C17orf67: variants seen among roughly 807,000 people sequenced by gnomAD.
The protein encoded by C17orf67 is chromosome 17 open reading frame 67.
C17orf67 carries 12 observed loss-of-function variants against 11.2 expected under a neutral mutation model. That is an observed-to-expected ratio of 1.07 (90% CI 0.68 to 1.73). The LOEUF is 1.73. Among genes scored for constraint, C17orf67 ranks in the 40% most tolerant of loss-of-function variants. The pLI, the probability that C17orf67 is intolerant of heterozygous loss-of-function variation, is 0.00. For synonymous variants in C17orf67, 59 were observed against 46.9 expected, an observed-to-expected ratio of 1.26 and a Z score of -1.05; for missense variants, 115 against 113.5, an observed-to-expected ratio of 1.01 and a Z score of -0.06.
At chr17:56,829,799 C>T (rs1906142740) in intron 2 of C17orf67, among the ~76,000 whole-genome samples, 1 of 152,204 alleles carries the variant, frequency 6.6e-6, no homozygotes, top group Non-Finnish European at 1.5e-5. Flanking sequence ...ACTTTAGAGC[C>T]TCATCTTTTG....
In C17orf67 at chr17:56,797,739, G is replaced by A. The variant is rs1905239539; in HGVS notation, c.157-2559C>T. Reference sequence around the variant, plus strand: ...TTTTGTCTTTGCATCTCCTCTCTCAGTTGGCTCGTGCTCTGCCCTTTATCA... The same window carrying A: ...TTTTGTCTTTGCATCTCCTCTCTCAATTGGCTCGTGCTCTGCCCTTTATCA... On this transcript the variant is annotated intron_variant, in intron 6 of 7. Transcript: ENST00000397861. Among the ~76,000 whole-genome samples the A allele has an allele frequency of 2.6e-5, 4 of 152,226 alleles. No individual in the cohort carries two copies. In the South Asian group the frequency reaches 8.3e-4, roughly 32 times the overall value.
intron 6 of C17orf67, among the ~76,000 whole-genome samples, chr17:56,800,098 C>T (rs1186872684): frequency 7.4e-6 from 1 of 135,164 alleles, no homozygotes; most frequent in East Asian, 2.1e-4. Flanking sequence ...CGGAGTCTCG[C>T]TCTGTCGCCC....
At chr17:56,798,654 T>C (rs3966008) in intron 6 of C17orf67, among the ~76,000 whole-genome samples, 118,069 of 151,452 alleles carry the variant, frequency 0.78, 46,079 homozygotes, top group Middle Eastern at 0.85. Flanking sequence ...GTGGTGAAAC[T>C]CTGTCTCTAC....
intron 6 of C17orf67, among the ~76,000 whole-genome samples, chr17:56,798,644 G>A (rs924872769): frequency 6.8e-6 from 1 of 146,280 alleles, no homozygotes; most frequent in Admixed American, 7.1e-5. Context: ...CCTGGGCGAC[G>A]TGGTGAAACT....
chr17:56,811,443 C>G (rs1230504433), intron 6 of C17orf67, among the ~76,000 whole-genome samples: 1 of 152,152 alleles, frequency 6.6e-6, no homozygotes, highest in Non-Finnish European at 1.5e-5. Flanking sequence ...GGGAAGCCTT[C>G]CCAGCCTCCC....
At chr17:56,805,618 G>A (rs1905428116) in intron 6 of C17orf67, among the ~76,000 whole-genome samples, 1 of 152,134 alleles carries the variant, frequency 6.6e-6, no homozygotes, top group African/African-American at 2.4e-5. Context: ...ATTCAATAAT[G>A]TATACTAAAA....
chr17:56,829,855 T>C (rs1011789783), intron 2 of C17orf67, among the ~76,000 whole-genome samples: 1 of 152,256 alleles, frequency 6.6e-6, no homozygotes, highest in African/African-American at 2.4e-5. Context: ...GACAATGCTC[T>C]GTAAATATTA....
At chr17:56,825,970 T>TGTGTGCGCGC (rs1906020422) in intron 2 of C17orf67, among the ~76,000 whole-genome samples, 1 of 131,448 alleles carries the variant, frequency 7.6e-6, no homozygotes, top group African/African-American at 2.8e-5. Flanking sequence ...TGCACGCGTG[T>TGTGTGCGCGC]GTGTGACGGA....
At chr17:56,824,981 T>G (rs1905990695) in intron 3 of C17orf67, 100 bp downstream of exon 3, 1 of 152,198 alleles carries the variant, frequency 6.6e-6, no homozygotes, top group Non-Finnish European at 1.5e-5. Flanking sequence ...TAACCAGGTT[T>G]TTACTATTAT....
intron 2 of C17orf67, among the ~76,000 whole-genome samples, chr17:56,831,028 A>G (rs1836824593): frequency 6.6e-6 from 1 of 152,218 alleles, no homozygotes; most frequent in African/African-American, 2.4e-5. Flanking sequence ...GTGGTAAATG[A>G]GTGAAGGGTA....
rs146892688 is a variant in C17orf67, at chr17:56,831,260, C to T, written c.-557+1638G>A. ...CAGGACCTGTGCTGCTGCCAGAGAC[C>T]GAGAGACTCACTGAGGCCTGCGGGT... On this transcript the variant is annotated intron_variant, in intron 2 of 7. Transcript: ENST00000397861. Among the ~76,000 whole-genome samples, 3 of 151,930 alleles carry T rather than the reference C, an allele frequency of 2.0e-5. No individual in the cohort carries two copies. The South Asian group carries it at 6.3e-4, about 32-fold the overall frequency.
intron 6 of C17orf67, among the ~76,000 whole-genome samples, chr17:56,804,789 G>C (rs1905405978): frequency 6.6e-6 from 1 of 152,138 alleles, no homozygotes; most frequent in South Asian, 2.1e-4. Flanking sequence ...CTTTATTCAA[G>C]CTTCAAGACA....
intron 6 of C17orf67, among the ~76,000 whole-genome samples, chr17:56,802,213 G>A (rs1170426708): frequency 6.6e-6 from 1 of 152,144 alleles, no homozygotes; most frequent in Non-Finnish European, 1.5e-5. Context: ...TTGGCCTGTG[G>A]CTTCTGGTTG....
chr17:56,815,975 G>T lies in C17orf67; in HGVS notation c.-165C>A, dbSNP rs1024576144. 1 of 1,369,174 alleles carries T rather than the reference G, an allele frequency of 7.3e-7. No homozygotes were observed. Among genetic ancestry groups the T allele is most frequent in the South Asian group, 1.5e-5 (1 of 65,490 alleles). The allele number at this position is 1,369,174 out of a possible 1,614,324, so 84.8% of individuals were successfully genotyped here. A position where few individuals can be genotyped will look rare whatever the true frequency, so the allele number is the denominator to read the frequency against. Reference sequence around the variant, plus strand: ...TCTGAGCGTTTTAGTAATGACCACTGAAATATTTTCCTCCGAATTCCTGTA... The same window carrying T: ...TCTGAGCGTTTTAGTAATGACCACTTAAATATTTTCCTCCGAATTCCTGTA... On this transcript the variant is annotated 5_prime_UTR_variant, in exon 5 of 8. An upstream open reading frame in the 5' UTR gains an earlier in-frame stop. Coordinates refer to ENST00000397861, the MANE Select transcript of C17orf67 (RefSeq NM_001085430.4).
At chr17:56,797,762 T>C (rs1905240105) in intron 6 of C17orf67, among the ~76,000 whole-genome samples, 1 of 152,196 alleles carries the variant, frequency 6.6e-6, no homozygotes, top group Non-Finnish European at 1.5e-5. Context: ...CTGCCCTTTA[T>C]CAACAGGAAT....
chr17:56,825,520 T>A (rs1340132354), intron 2 of C17orf67, among the ~76,000 whole-genome samples, 199 bp from the exon 3 acceptor site: 1 of 152,222 alleles, frequency 6.6e-6, no homozygotes, highest in Non-Finnish European at 1.5e-5. Context: ...CTACTATTCT[T>A]AAAAGCTTTC....
chr17:56,826,646 G>A lies in C17orf67; in HGVS notation c.-556-1325C>T, dbSNP rs576125747. On this transcript the variant is annotated intron_variant, in intron 2 of 7. Transcript: ENST00000397861. ...GCAGGTTATCAGGCCTCTTCCCTGAGAAAGGAAATCAGAATCTGCATTTTA... is the reference window on the plus strand; with the variant it reads ...GCAGGTTATCAGGCCTCTTCCCTGAAAAAGGAAATCAGAATCTGCATTTTA... Among the ~76,000 whole-genome samples, 77 of 152,386 alleles carry A rather than the reference G, an allele frequency of 5.1e-4. 1 individual carries two copies. Among genetic ancestry groups the A allele is most frequent in the Non-Finnish European group, 9.0e-4 (61 of 68,034 alleles).
chr17:56,805,992 T>TTTTGTACA (rs1905439374), intron 6 of C17orf67, among the ~76,000 whole-genome samples: 1 of 146,188 alleles, frequency 6.8e-6, no homozygotes, highest in Non-Finnish European at 1.5e-5. Context: ...TTTTTTTTTT[T>TTTTGTACA]GAGACAGAGT....
At position 56,819,473 on chromosome 17, in the gene C17orf67, G is replaced by A. The variant is rs533965114; in HGVS notation, c.-200-3463C>T. On this transcript the variant is annotated intron_variant, in intron 4 of 7. Coordinates refer to ENST00000397861, the MANE Select transcript of C17orf67 (RefSeq NM_001085430.4). ...TCACTGGTAAGCTTTAAGCAAGCTT[G>A]TATTATTTTTATAATTTTTTAAAGC... Among the ~76,000 whole-genome samples, 4 of 152,244 alleles carry A rather than the reference G, an allele frequency of 2.6e-5. No individual in the cohort carries two copies. In the East Asian group the frequency reaches 7.7e-4, roughly 29 times the overall value.
Sources: allele counts gnomAD v4.1 joint callset (sites outside exome capture counted in the v4.1 genomes callset), GRCh38; gene constraint gnomAD v4.1.1; transcripts MANE v1.5; gene names NCBI Gene and HGNC (gene_info 2026-07-23, HGNC 2026-07-21).